The following SNX29 variants were observed in gnomAD, a reference collection of about 807,000 sequenced individuals.
SNX29 encodes sorting nexin-29.
A neutral mutation model predicts 102.1 loss-of-function variants in SNX29; 78 were observed. That is an observed-to-expected ratio of 0.76 (90% confidence interval 0.64 to 0.92). The LOEUF is 0.92. Ranked by LOEUF, SNX29 falls within the 40% of genes least tolerant of loss-of-function variation. SNX29 has a pLI of 0.00. For synonymous variants in SNX29, 580 were observed against 414.5 expected (o/e 1.40, Z -4.85); for missense variants, 1,280 against 1,061.7 (o/e 1.21, Z -2.86).
intron 16 of SNX29, among the ~76,000 whole-genome samples, chr16:12,395,503 G>A (rs1160036573): frequency 6.6e-6 from 1 of 152,244 alleles, no homozygotes; most frequent in Non-Finnish European, 1.5e-5. Context: ...TGTTGCTCTA[G>A]TAACGGGCTT....
At chr16:12,122,652 C>T (rs780172026) in intron 11 of SNX29, among the ~76,000 whole-genome samples, 6 of 152,026 alleles carry the variant, frequency 3.9e-5, no homozygotes, top group Admixed American at 6.6e-5. Context: ...GAGGCTGGAG[C>T]GGCAGAGAGG....
Position 12,017,568 on chromosome 16 carries a change from A to C in SNX29, c.123-9752A>C, listed in dbSNP as rs565602697. 5.8e-4 allele frequency among the ~76,000 whole-genome samples: 89 copies of C among 152,282 alleles called. 3 individuals are homozygous for C. The South Asian group carries it at 0.018, about 31-fold the overall frequency. ...CAAATTTTATGTAATTAATTCTGTG[A>C]ACCTTAAAATGTTTTGGTTTTCGAG... On this transcript the variant is annotated intron_variant, in intron 3 of 20. Transcript: ENST00000566228.
chr16:12,106,168 C>T (rs1262585477), intron 11 of SNX29, among the ~76,000 whole-genome samples: 1 of 152,210 alleles, frequency 6.6e-6, no homozygotes, highest in Non-Finnish European at 1.5e-5. Flanking sequence ...CTGCTCACCC[C>T]TGCCCTGTGT....
At chr16:12,530,562 T>G (rs1039719351) in intron 20 of SNX29, among the ~76,000 whole-genome samples, 1 of 151,324 alleles carries the variant, frequency 6.6e-6, no homozygotes, top group Non-Finnish European at 1.5e-5. Flanking sequence ...TTGTTTTTTG[T>G]TTTTTTTGGT....
intron 20 of SNX29, chr16:12,527,107 C>A: frequency 2.2e-6 from 1 of 461,018 alleles, no homozygotes; most frequent in Non-Finnish European, 4.2e-6. Context: ...TTAATAAAAG[C>A]TCTTTGGCTT....
intron 20 of SNX29, chr16:12,527,154 T>G: frequency 1.9e-6 from 1 of 519,544 alleles, no homozygotes; most frequent in Non-Finnish European, 3.8e-6. Flanking sequence ...CCCTTCTCCT[T>G]CTTCCTTTTT....
At chr16:12,429,595 A>T (rs1244438727) in intron 18 of SNX29, among the ~76,000 whole-genome samples, 3 of 152,164 alleles carry the variant, frequency 2.0e-5, no homozygotes, top group Non-Finnish European at 4.4e-5. Flanking sequence ...ATTTAACGTG[A>T]GATTTTTCTC....
At position 12,571,353 on chromosome 16, in the gene SNX29, G is replaced by A. The variant is rs187515232; in HGVS notation, c.*2724G>A. On this transcript the variant is annotated 3_prime_UTR_variant, in exon 21 of 21. Coordinates refer to ENST00000566228, the MANE Select transcript of SNX29 (RefSeq NM_032167.5). ...GATTCAATTCTGAGGGCTAAGCCAC[G>A]ACCTTATCCATGAGTGGCGAAGACA... 1.8e-4 allele frequency: 42 copies of A among 231,368 alleles called. No homozygotes were observed. Among genetic ancestry groups the A allele is most frequent in the East Asian group, 1.5e-3 (24 of 16,304 alleles). The allele number at this position is 231,368 out of a possible 1,614,324, so 14.3% of individuals were successfully genotyped here. A position where few individuals can be genotyped will look rare whatever the true frequency, so the allele number is the denominator to read the frequency against.
intron 16 of SNX29, among the ~76,000 whole-genome samples, chr16:12,377,123 G>A (rs914537006): frequency 6.6e-6 from 1 of 152,162 alleles, no homozygotes; most frequent in Non-Finnish European, 1.5e-5. Context: ...GCCTATACAA[G>A]CCTTTCTGCT....
intron 3 of SNX29, among the ~76,000 whole-genome samples, chr16:12,020,722 C>G (rs1057128138): frequency 1.3e-5 from 2 of 151,466 alleles, no homozygotes; most frequent in African/African-American, 4.9e-5. Flanking sequence ...CTCCTGGGTT[C>G]AAGCGATTCT....
chr16:12,197,576 C>G (rs755143424), intron 13 of SNX29, among the ~76,000 whole-genome samples: 4 of 152,116 alleles, frequency 2.6e-5, no homozygotes, highest in Non-Finnish European at 4.4e-5. Flanking sequence ...ATCTCAAAAA[C>G]AAAAGAAACA....
chr16:12,535,247 T>C (rs532027677), intron 20 of SNX29, among the ~76,000 whole-genome samples: 1 of 152,268 alleles, frequency 6.6e-6, no homozygotes, highest in East Asian at 1.9e-4. Flanking sequence ...CAAGCGACTT[T>C]TGTGCTTCAG....
rs181610896 is a variant in SNX29 at position 12,428,788 on chromosome 16, C to T, written c.2037+25259C>T. On this transcript the variant is annotated intron_variant, in intron 18 of 20. Coordinates refer to ENST00000566228, the MANE Select transcript of SNX29 (RefSeq NM_032167.5). ...TCCTAGTTAGCCCAATACATAGATA[C>T]GATGGCAATTATTATTATCTCCTTC... is the stretch of plus-strand genomic sequence containing the variant. Among the ~76,000 whole-genome samples the T allele has an allele frequency of 8.6e-5, 13 of 151,906 alleles. No homozygotes were observed. The East Asian group carries it at 1.8e-3, about 20-fold the overall frequency.
intron 14 of SNX29, among the ~76,000 whole-genome samples, chr16:12,254,716 G>C (rs564481280): frequency 2.1e-4 from 32 of 152,302 alleles, no homozygotes; most frequent in Admixed American, 7.2e-4. Context: ...AGCCACGTGA[G>C]AGTGTGCTTG....
chr16:12,102,435 C>T (rs1340831946), intron 11 of SNX29, among the ~76,000 whole-genome samples: 1 of 152,200 alleles, frequency 6.6e-6, no homozygotes, highest in Non-Finnish European at 1.5e-5. Flanking sequence ...TCTGTTGTTT[C>T]CTGACTTTTT....
intron 9 of SNX29, among the ~76,000 whole-genome samples, chr16:12,062,843 G>C (rs1449669314): frequency 1.3e-5 from 2 of 152,160 alleles, no homozygotes; most frequent in African/African-American, 4.8e-5. Context: ...GGCAGGGCGG[G>C]GACAGTCACT....
intron 10 of SNX29, among the ~76,000 whole-genome samples, chr16:12,072,690 G>C (rs1432550092): frequency 6.6e-6 from 1 of 152,160 alleles, no homozygotes; most frequent in African/African-American, 2.4e-5. Flanking sequence ...CATAAAATGA[G>C]TTAGGGAGGA....
chr16:12,555,656 G>C (rs1330457013), intron 20 of SNX29, among the ~76,000 whole-genome samples: 1 of 152,110 alleles, frequency 6.6e-6, no homozygotes, highest in East Asian at 2.0e-4. Context: ...GCCAGACCCT[G>C]TCACTCCTGC....
chr16:12,102,182 T>C (rs1230709146), intron 11 of SNX29, among the ~76,000 whole-genome samples: 1 of 152,162 alleles, frequency 6.6e-6, no homozygotes, highest in East Asian at 1.9e-4. Context: ...GGCATTTGGG[T>C]TGGTTCTAAG....
Sources: gnomAD v4.1 joint callset for allele counts (sites outside exome capture counted in the v4.1 genomes callset) on GRCh38, gnomAD v4.1.1 for gene constraint, MANE v1.5 for transcripts, NCBI Gene and HGNC (gene_info 2026-07-23, HGNC 2026-07-21) for gene names.